TSHZ1: variants seen among roughly 807,000 people sequenced by gnomAD.
TSHZ1 encodes the protein teashirt homolog 1.
Under a neutral mutation model 67.1 loss-of-function variants are expected in TSHZ1, and 12 were observed. The ratio of observed to expected loss-of-function variants is 0.18; its 90% CI spans 0.11 to 0.29. TSHZ1 has a LOEUF of 0.29. Ranked by LOEUF, TSHZ1 falls within the 10% of genes least tolerant of loss-of-function variation. The probability of loss-of-function intolerance (pLI) is 1.00; values close to 1 mark genes in which losing one functional copy is unlikely to be tolerated. For missense variants in TSHZ1, 1,305 were observed against 1,413.9 expected (o/e 0.92, Z 1.23); for synonymous variants, 632 against 622.4 (o/e 1.02, Z -0.23).
rs112014591 is a variant in TSHZ1, at chr18:75,241,559, C to T, written c.40+29643C>T. ...TGATGTCCGCGGATGGGAAGGGCCA[C>T]GCTGGCCATTTCATTCTATACCTGG... On this transcript the variant is annotated intron_variant, in intron 1 of 1. Coordinates refer to ENST00000580243, the MANE Select transcript of TSHZ1 (RefSeq NM_001308210.2). 8.6e-3 allele frequency among the ~76,000 whole-genome samples: 1,317 copies of T among 152,260 alleles called. 21 individuals carry two copies. The highest frequency in any genetic ancestry group is 0.029 in the African/African-American group (1,199 of 41,540).
intron 1 of TSHZ1, among the ~76,000 whole-genome samples, chr18:75,257,962 G>C (rs931185295): frequency 1.3e-5 from 2 of 152,196 alleles, no homozygotes; most frequent in African/African-American, 4.8e-5. Flanking sequence ...TCACAGCCTC[G>C]TCATCAGAGG....
intron 1 of TSHZ1, among the ~76,000 whole-genome samples, chr18:75,247,681 C>T (rs765365373): frequency 2.6e-5 from 4 of 152,032 alleles, no homozygotes; most frequent in Non-Finnish European, 5.9e-5. Flanking sequence ...CAGTGTTCTC[C>T]GTATTTGGTA....
intron 1 of TSHZ1, among the ~76,000 whole-genome samples, chr18:75,266,808 C>T (rs1230106963): frequency 1.3e-5 from 2 of 152,156 alleles, no homozygotes; most frequent in Non-Finnish European, 2.9e-5. Flanking sequence ...TTACAAATGT[C>T]AGATCTTGTT....
intron 1 of TSHZ1, among the ~76,000 whole-genome samples, chr18:75,278,109 T>C (rs1352294616): frequency 6.6e-6 from 1 of 152,096 alleles, no homozygotes; most frequent in African/African-American, 2.4e-5. Context: ...GTAAGCCCCA[T>C]AGAGGCGAAC....
intron 1 of TSHZ1, among the ~76,000 whole-genome samples, chr18:75,235,861 C>CT (rs1481831976): frequency 6.6e-6 from 1 of 152,210 alleles, no homozygotes; most frequent in Non-Finnish European, 1.5e-5. Context: ...CCTCCAGCGT[C>CT]TGTCTGGCTC....
chr18:75,215,258 A>G lies in TSHZ1; in HGVS notation c.40+3342A>G, dbSNP rs368942161. 8.5e-5 allele frequency among the ~76,000 whole-genome samples: 13 copies of G among 152,368 alleles called. No individual in the cohort carries two copies. In the East Asian group the frequency reaches 2.5e-3, roughly 29 times the overall value. On this transcript the variant is annotated intron_variant, in intron 1 of 1. Coordinates refer to ENST00000580243, the MANE Select transcript of TSHZ1 (RefSeq NM_001308210.2). The stretch of plus-strand genomic sequence containing the variant: ...GGTGTATGCAGAATAGATCTGTACC[A>G]GAGAATGTCGCTGGCTGGGAGCACA...
At chr18:75,226,782 G>A (rs1055692753) in intron 1 of TSHZ1, among the ~76,000 whole-genome samples, 19 of 152,096 alleles carry the variant, frequency 1.2e-4, no homozygotes, top group African/African-American at 4.3e-4. Flanking sequence ...GGGAAACGCC[G>A]CCGACAAAGC....
At chr18:75,269,819 C>G (rs1323666040) in intron 1 of TSHZ1, among the ~76,000 whole-genome samples, 1 of 152,114 alleles carries the variant, frequency 6.6e-6, no homozygotes, top group Non-Finnish European at 1.5e-5. Flanking sequence ...TTCCCAGCCC[C>G]CCTGGCTCCC....
At chr18:75,233,462 C>G (rs1031287142) in intron 1 of TSHZ1, among the ~76,000 whole-genome samples, 1 of 152,172 alleles carries the variant, frequency 6.6e-6, no homozygotes, top group African/African-American at 2.4e-5. Flanking sequence ...CATGTCAGCT[C>G]TTTAAGAAAT....
intron 1 of TSHZ1, among the ~76,000 whole-genome samples, chr18:75,227,446 A>C (rs2022941011): frequency 6.6e-6 from 1 of 152,132 alleles, no homozygotes; most frequent in Non-Finnish European, 1.5e-5. Context: ...TTTTGCCCCC[A>C]GATTGTTTAC....
chr18:75,272,210 A>G (rs1197797346), intron 1 of TSHZ1, among the ~76,000 whole-genome samples: 1 of 152,250 alleles, frequency 6.6e-6, no homozygotes, highest in Non-Finnish European at 1.5e-5. Context: ...TATCAGATAG[A>G]AGAGGAAGAG....
chr18:75,285,967 G>A lies in TSHZ1; in HGVS notation c.560G>A (p.Ser187Asn). 6.3e-7 allele frequency: 1 copy of A among 1,581,860 alleles called. No homozygotes were observed. Among genetic ancestry groups the A allele is most frequent in the East Asian group, 2.3e-5 (1 of 42,818 alleles). ...TSCSSSTSHS[S>N]TTSTSSSSGY... The stretch of plus-strand genomic sequence containing the variant: ...TGCAGCTCCAGCACCAGCCACAGCA[G>A]TACCACCAGTACCAGCAGCAGCTCC... Residue 187 changes from serine (S) to asparagine (N), a missense_variant, in exon 2 of 2, where the codon AGT (serine) becomes AAT (asparagine). Around this residue, in one of 3 missense-constraint regions of TSHZ1, gnomAD observed 358 missense variants for 375.6 expected, o/e 0.95. Coordinates refer to ENST00000580243, the MANE Select transcript of TSHZ1 (RefSeq NM_001308210.2).
At chr18:75,238,457 G>A (rs914169852) in intron 1 of TSHZ1, among the ~76,000 whole-genome samples, 9 of 152,188 alleles carry the variant, frequency 5.9e-5, no homozygotes, top group Non-Finnish European at 1.0e-4. Context: ...TCTGGGAAAA[G>A]CGTCGACATG....
intron 1 of TSHZ1, among the ~76,000 whole-genome samples, chr18:75,255,516 C>T (rs572293472): frequency 3.3e-4 from 47 of 140,610 alleles, no homozygotes; most frequent in African/African-American, 1.2e-3. Flanking sequence ...AGCCAATTGT[C>T]GCATTAAAAA....
chr18:75,223,214 A>G (rs1363900653), intron 1 of TSHZ1, among the ~76,000 whole-genome samples: 1 of 152,222 alleles, frequency 6.6e-6, no homozygotes, highest in Non-Finnish European at 1.5e-5. Flanking sequence ...AATTATATAT[A>G]TATAAATTCG....
Position 75,287,272 on chromosome 18 carries a change from A to G in TSHZ1, c.1865A>G (p.His622Arg), listed in dbSNP as rs749769265. Residue 622 changes from histidine to arginine, a missense_variant, in exon 2 of 2, where the codon CAC (histidine) becomes CGC (arginine). By Grantham distance (29) the His-to-Arg change is conservative. Around this residue, in one of 3 missense-constraint regions of TSHZ1, gnomAD observed 909 missense variants for 961.8 expected, o/e 0.95. Transcript: ENST00000580243. The surrounding 1 kb of genome is among the most constrained non-coding windows in gnomAD (Gnocchi z 5.0). ...TCCGCCGAGCACAACGCCCTCCTGC[A>G]CTCCCCAGGGAGCCTCACGCCCCCA... ...LSSAEHNALL[H>R]SPGSLTPPPH... 5.0e-6 allele frequency: 8 copies of G among 1,613,738 alleles called. No individual in the cohort carries two copies. The highest frequency in any genetic ancestry group is 4.4e-5 in the South Asian group (4 of 91,070).
intron 1 of TSHZ1, among the ~76,000 whole-genome samples, chr18:75,278,260 G>C (rs892066070): frequency 6.8e-6 from 1 of 146,902 alleles, no homozygotes; most frequent in African/African-American, 2.5e-5. Flanking sequence ...GCCTGGGGGT[G>C]GGTTGGAGGG....
At chr18:75,251,591 A>C (rs1270759860) in intron 1 of TSHZ1, among the ~76,000 whole-genome samples, 1 of 151,326 alleles carries the variant, frequency 6.6e-6, no homozygotes, top group Non-Finnish European at 1.5e-5. Flanking sequence ...CTAGTGCATG[A>C]AAACGATCAT....
intron 1 of TSHZ1, among the ~76,000 whole-genome samples, chr18:75,228,962 C>T (rs927746604): frequency 2.6e-5 from 4 of 152,256 alleles, no homozygotes; most frequent in Non-Finnish European, 4.4e-5. Flanking sequence ...TAGGTCATGG[C>T]CCTTTGGCCC....
Sources: gnomAD v4.1 joint callset for allele counts (sites outside exome capture counted in the v4.1 genomes callset) on GRCh38, gnomAD v4.1.1 for gene constraint, gnomAD v4.1.1 regional missense constraint, Gnocchi (gnomAD v3.1) non-coding constraint, MANE v1.5 for transcripts, NCBI Gene and HGNC (gene_info 2026-07-23, HGNC 2026-07-21) for gene names.